Variants in UBE2V2 observed in about 807,000 individuals in gnomAD.
UBE2V2 encodes the protein ubiquitin conjugating enzyme E2 V2.
UBE2V2 carries 9 observed loss-of-function variants against 17.2 expected under a neutral mutation model. That is an observed-to-expected ratio of 0.52 (90% CI 0.32 to 0.91). The LOEUF is 0.91. Ranked by LOEUF, UBE2V2 falls within the 40% of genes least tolerant of loss-of-function variation. UBE2V2 has a pLI of 0.04. For synonymous variants in UBE2V2, 61 were observed against 57.5 expected, an observed-to-expected ratio of 1.06 and a Z score of -0.28; for missense variants, 133 against 182.6, an observed-to-expected ratio of 0.73 and a Z score of 1.56.
At chr8:48,038,110 T>C (rs1563855505) in intron 1 of UBE2V2, among the ~76,000 whole-genome samples, 1 of 152,230 alleles carries the variant, frequency 6.6e-6, no homozygotes, top group East Asian at 1.9e-4. Flanking sequence ...CTCCCTTTTC[T>C]TTTTAAATAA....
upstream of UBE2V2, among the ~76,000 whole-genome samples, chr8:48,003,504 C>G (rs1403491429): frequency 6.6e-6 from 1 of 152,008 alleles, no homozygotes; most frequent in Non-Finnish European, 1.5e-5. Flanking sequence ...GTTCCCAGGG[C>G]GCATAATGGG....
chr8:48,040,602 A>G (rs543658904), intron 1 of UBE2V2, among the ~76,000 whole-genome samples: 51 of 152,146 alleles, frequency 3.4e-4, no homozygotes, highest in African/African-American at 1.2e-3. Flanking sequence ...AAGTCTTAAA[A>G]TCTAGGAAAG....
intron 2 of UBE2V2, among the ~76,000 whole-genome samples, chr8:48,046,213 G>A (rs989778322): frequency 2.1e-4 from 32 of 152,012 alleles, no homozygotes; most frequent in Admixed American, 5.9e-4. Flanking sequence ...TCTGCCTCCC[G>A]CGTTCATACC....
intron 2 of UBE2V2, among the ~76,000 whole-genome samples, chr8:48,046,439 G>A (rs975457095): frequency 1.3e-5 from 2 of 152,084 alleles, no homozygotes; most frequent in African/African-American, 4.8e-5. Flanking sequence ...TTTTAGTGGG[G>A]ACAGGGTTTC....
intron 1 of UBE2V2, among the ~76,000 whole-genome samples, chr8:48,023,805 GGC>G (rs1339579636): frequency 1.3e-4 from 20 of 152,168 alleles, no homozygotes; most frequent in African/African-American, 4.6e-4. Context: ...GAACCCAGGA[GGC>G]AGAGGTTGCA....
chr8:48,028,525 A>G (rs1563852689), intron 1 of UBE2V2, among the ~76,000 whole-genome samples: 1 of 151,978 alleles, frequency 6.6e-6, no homozygotes, highest in Non-Finnish European at 1.5e-5. Context: ...TTTATTAGAG[A>G]TGGGGTTTCA....
At chr8:48,031,691 T>C (rs2091384100) in intron 1 of UBE2V2, among the ~76,000 whole-genome samples, 1 of 152,190 alleles carries the variant, frequency 6.6e-6, no homozygotes, top group South Asian at 2.1e-4. Context: ...AGTCTTGCTC[T>C]GTCACCCAGG....
chr8:48,011,771 A>G lies in UBE2V2; in HGVS notation c.16+3301A>G, dbSNP rs534775625. On this transcript the variant is annotated intron_variant, in intron 1 of 3. Transcript: ENST00000523111. ...TGGGGTCAGGTGATCCTCCTACCTCAGCCTCCCGAGTAGCTGCGAACACAG... is the reference window on the plus strand; with the variant it reads ...TGGGGTCAGGTGATCCTCCTACCTCGGCCTCCCGAGTAGCTGCGAACACAG... 4.6e-5 allele frequency among the ~76,000 whole-genome samples: 7 copies of G among 152,280 alleles called. No individual in the cohort carries two copies. The South Asian group carries it at 1.4e-3, about 32-fold the overall frequency.
chr8:48,023,833 G>GC, intron 1 of UBE2V2, among the ~76,000 whole-genome samples: 1 of 152,076 alleles, frequency 6.6e-6, no homozygotes. Context: ...CCAAGATTGC[G>GC]CCACTGTACT....
At chr8:48,045,942 AC>A (rs1460864915) in intron 2 of UBE2V2, among the ~76,000 whole-genome samples, 2 of 151,934 alleles carry the variant, frequency 1.3e-5, no homozygotes, top group Non-Finnish European at 2.9e-5. Context: ...GAGGAGGAAG[AC>A]TTTTTTGTTT....
chr8:48,012,330 C>T (rs571346414), intron 1 of UBE2V2, among the ~76,000 whole-genome samples: 2 of 152,296 alleles, frequency 1.3e-5, no homozygotes, highest in South Asian at 2.1e-4. Flanking sequence ...GGTTAAGAAG[C>T]TACTCTCGGG....
At chr8:48,033,898 A>G (rs1418499710) in intron 1 of UBE2V2, among the ~76,000 whole-genome samples, 1 of 152,114 alleles carries the variant, frequency 6.6e-6, no homozygotes, top group Non-Finnish European at 1.5e-5. Context: ...ATGAGGCTGC[A>G]GTGAGTTTTG....
At position 48,051,734 on chromosome 8, in the gene UBE2V2, C is replaced by T. The variant is rs1046508950; in HGVS notation, c.291+1756C>T. Among the ~76,000 whole-genome samples, 4 of 152,262 alleles carry T rather than the reference C, an allele frequency of 2.6e-5. No homozygotes were observed. The East Asian group carries it at 7.7e-4, about 29-fold the overall frequency. ...CAGCTCCCTGCCCCTCAACCCCAACCTAATACGCAGGTCTGAGGCGGGGCC... is the reference window on the plus strand; with the variant it reads ...CAGCTCCCTGCCCCTCAACCCCAACTTAATACGCAGGTCTGAGGCGGGGCC... On this transcript the variant is annotated intron_variant, in intron 3 of 3. Coordinates refer to ENST00000523111, the MANE Select transcript of UBE2V2 (RefSeq NM_003350.3).
At chr8:47,997,744 C>T in the UBE2V2 span, among the ~76,000 whole-genome samples, 1 of 151,614 alleles carries the variant, frequency 6.6e-6, no homozygotes, top group African/African-American at 2.4e-5. Flanking sequence ...ATGCTGGGCT[C>T]GAGGACGAGT....
chr8:48,019,809 C>T (rs2091292756), intron 1 of UBE2V2, among the ~76,000 whole-genome samples: 1 of 150,514 alleles, frequency 6.6e-6, no homozygotes, highest in Non-Finnish European at 1.5e-5. Context: ...AGCTAGACTC[C>T]GTTTCAAAAA....
chr8:48,035,803 A>G (rs938356079), intron 1 of UBE2V2, among the ~76,000 whole-genome samples: 1 of 150,056 alleles, frequency 6.7e-6, no homozygotes, highest in Admixed American at 6.6e-5. Context: ...AGGCAGGAGA[A>G]TCACTTAAAC....
intron 2 of UBE2V2, among the ~76,000 whole-genome samples, chr8:48,049,310 C>T (rs1047355911): frequency 6.6e-6 from 1 of 151,968 alleles, no homozygotes; most frequent in Non-Finnish European, 1.5e-5. Context: ...TTATTGATTG[C>T]CATATTTAGT....
chr8:48,023,899 A>G (rs1294577825), intron 1 of UBE2V2, among the ~76,000 whole-genome samples: 2 of 152,088 alleles, frequency 1.3e-5, no homozygotes, highest in Non-Finnish European at 2.9e-5. Flanking sequence ...AAAAAAATCA[A>G]TGTTTGAAAG....
At chr8:48,055,596 C>T (rs550269203) in intron 3 of UBE2V2, among the ~76,000 whole-genome samples, 2 of 152,160 alleles carry the variant, frequency 1.3e-5, no homozygotes, top group Admixed American at 6.6e-5. Flanking sequence ...ACAATTCACC[C>T]ATTTAAAGGG....
Sources: gnomAD v4.1 joint callset for allele counts (sites outside exome capture counted in the v4.1 genomes callset) on GRCh38, gnomAD v4.1.1 for gene constraint, MANE v1.5 for transcripts, NCBI Gene and HGNC (gene_info 2026-07-23, HGNC 2026-07-21) for gene names.